The following SYTL3 variants were observed in gnomAD, a reference collection of about 807,000 sequenced individuals.
SYTL3 encodes the protein synaptotagmin like 3, also known as synaptotagmin-like protein 3.
Under a neutral mutation model 82.1 loss-of-function variants are expected in SYTL3, and 88 were observed. That is an observed-to-expected ratio of 1.07 (90% confidence interval 0.90 to 1.28). The LOEUF (loss-of-function observed/expected upper bound fraction) is 1.28. SYTL3 is among the 50% of genes most tolerant of loss of function. SYTL3 has a pLI of 0.00. For synonymous variants in SYTL3, 311 were observed against 289.4 expected (o/e 1.07, Z -0.76); for missense variants, 831 against 757.6 (o/e 1.10, Z -1.14).
intron 9 of SYTL3, among the ~76,000 whole-genome samples, chr6:158,717,753 A>T (rs1783590487): frequency 6.6e-6 from 1 of 152,120 alleles, no homozygotes; most frequent in East Asian, 1.9e-4. Context: ...TCGTGTTTGG[A>T]TGAGTGCACA....
intron 5 of SYTL3, among the ~76,000 whole-genome samples, chr6:158,671,747 A>AGAG (rs1562358059): frequency 6.7e-6 from 1 of 149,082 alleles, no homozygotes; most frequent in Non-Finnish European, 1.5e-5. Context: ...AAAAAAAAAA[A>AGAG]AAGATAATTA....
intron 8 of SYTL3, among the ~76,000 whole-genome samples, chr6:158,712,642 C>T (rs949296299): frequency 2.0e-5 from 3 of 152,126 alleles, no homozygotes; most frequent in Non-Finnish European, 4.4e-5. Flanking sequence ...TTTGATCTTT[C>T]ATCGTTTAGG....
At position 158,701,266 on chromosome 6, in the gene SYTL3, G is replaced by C. The variant is rs1361080713; in HGVS notation, c.395-5964G>C. Among the ~76,000 whole-genome samples, 9 of 5,220 alleles carry C rather than the reference G, an allele frequency of 1.7e-3. 1 individual carries two copies. The highest frequency in any genetic ancestry group is 4.3e-3 in the African/African-American group (3 of 698). The allele number at this position is 5,220 out of a possible 152,430, so 3.4% of individuals were successfully genotyped here. ...TAGATGAAGGAGTGTGAGCTGGGGT[G>C]TAGATGAAGGAGTGTGAGCTGGGGT... On this transcript the variant is annotated intron_variant, in intron 6 of 17. Transcript: ENST00000611299.
intron 9 of SYTL3, among the ~76,000 whole-genome samples, chr6:158,714,786 C>A (rs868401501): frequency 6.6e-6 from 1 of 152,144 alleles, no homozygotes; most frequent in African/African-American, 2.4e-5. Flanking sequence ...TAGTTGCATG[C>A]GGATGGTCTC....
chr6:158,720,933 C>A (rs183399664), intron 10 of SYTL3, among the ~76,000 whole-genome samples: 5 of 152,160 alleles, frequency 3.3e-5, no homozygotes, highest in Admixed American at 3.3e-4. Flanking sequence ...GGGCTTGTGG[C>A]GTTCTGCATG....
intron 16 of SYTL3, 114 bp from the exon 17 acceptor site, chr6:158,763,190 G>C (rs1274762791): frequency 4.2e-6 from 4 of 954,816 alleles, no homozygotes; most frequent in Non-Finnish European, 6.6e-6. Context: ...GGAGGGTGTG[G>C]ATGTTGTGGA....
At position 158,736,742 on chromosome 6, in the gene SYTL3, C is replaced by T. The variant is rs540840123; in HGVS notation, c.856-8738C>T. Among the ~76,000 whole-genome samples, 44 of 147,766 alleles carry T rather than the reference C, an allele frequency of 3.0e-4. 1 individual carries two copies. In the East Asian group the frequency reaches 6.0e-3, roughly 20 times the overall value. On this transcript the variant is annotated intron_variant, in intron 11 of 17. Transcript: ENST00000611299. Reference sequence around the variant, plus strand: ...AGTAGAGGTGGCAGTGAGCTGAGATCGTGCCATTGTACTCCAGCCTGGGCG... The same window carrying T: ...AGTAGAGGTGGCAGTGAGCTGAGATTGTGCCATTGTACTCCAGCCTGGGCG...
chr6:158,667,104 C>CT (rs1434174593), intron 5 of SYTL3, among the ~76,000 whole-genome samples: 7 of 152,202 alleles, frequency 4.6e-5, no homozygotes, highest in African/African-American at 1.7e-4. Context: ...TATTTGAAGT[C>CT]TAATAATAAA....
chr6:158,720,227 C>A (rs1308577134), intron 10 of SYTL3, among the ~76,000 whole-genome samples: 1 of 152,088 alleles, frequency 6.6e-6, no homozygotes, highest in Non-Finnish European at 1.5e-5. Flanking sequence ...CATGGTAAAA[C>A]CCCGTCTCTA....
chr6:158,743,555 A>C, intron 11 of SYTL3, among the ~76,000 whole-genome samples: 4 of 133,824 alleles, frequency 3.0e-5, no homozygotes, highest in Admixed American at 1.6e-4. Context: ...TTCTATCTTC[A>C]CTTCTCATAC....
At chr6:158,698,726 G>A (rs1233463630) in intron 6 of SYTL3, among the ~76,000 whole-genome samples, 4 of 152,166 alleles carry the variant, frequency 2.6e-5, no homozygotes, top group African/African-American at 4.8e-5. Context: ...CACTTATATC[G>A]TGTATTGATT....
At chr6:158,704,373 AG>A (rs1455683325) in intron 6 of SYTL3, among the ~76,000 whole-genome samples, 1 of 152,226 alleles carries the variant, frequency 6.6e-6, no homozygotes, top group African/African-American at 2.4e-5. Context: ...TGCAGCCGGC[AG>A]GGGGCAGCAG....
intron 8 of SYTL3, among the ~76,000 whole-genome samples, chr6:158,710,735 G>T (rs550235679): frequency 6.6e-5 from 10 of 150,496 alleles, no homozygotes; most frequent in African/African-American, 2.4e-4. Context: ...TGAAACACTT[G>T]CTGCACTTGT....
intron 2 of SYTL3, among the ~76,000 whole-genome samples, chr6:158,657,425 CAAAAAAAAA>C (rs535361947): frequency 3.0e-4 from 24 of 80,144 alleles, no homozygotes; most frequent in Admixed American, 4.6e-4. Context: ...GACTCTGGCT[CAAAAAAAAA>C]AAAAAAAAAA....
chr6:158,754,589 G>A (rs960145133), intron 13 of SYTL3, among the ~76,000 whole-genome samples: 1 of 152,158 alleles, frequency 6.6e-6, no homozygotes, highest in Non-Finnish European at 1.5e-5. Context: ...GCACAGTGGC[G>A]GGCACCTGTA....
intron 14 of SYTL3, among the ~76,000 whole-genome samples, chr6:158,757,594 C>G: frequency 7.8e-6 from 1 of 127,884 alleles, no homozygotes; most frequent in South Asian, 2.5e-4. Context: ...TGTTCAGGTA[C>G]CCGAACAGCC....
At chr6:158,645,347 T>C (rs1207792136), upstream of SYTL3, among the ~76,000 whole-genome samples, 1 of 152,170 alleles carries the variant, frequency 6.6e-6, no homozygotes, top group Non-Finnish European at 1.5e-5. Flanking sequence ...CTAGACAGAC[T>C]TTATTTGTAT....
intron 13 of SYTL3, among the ~76,000 whole-genome samples, chr6:158,754,212 A>T (rs1046905373): frequency 1.3e-5 from 2 of 152,168 alleles, no homozygotes; most frequent in African/African-American, 4.8e-5. Flanking sequence ...TTCTGAGCAG[A>T]GTACTTCTTG....
chr6:158,710,819 T>C (rs1423873827), intron 8 of SYTL3, among the ~76,000 whole-genome samples: 1 of 151,790 alleles, frequency 6.6e-6, no homozygotes, highest in Non-Finnish European at 1.5e-5. Flanking sequence ...GTTTCACTCT[T>C]GTCCAGGCTG....
Sources: allele counts gnomAD v4.1 joint callset (sites outside exome capture counted in the v4.1 genomes callset), GRCh38; gene constraint gnomAD v4.1.1; transcripts MANE v1.5; gene names NCBI Gene and HGNC (gene_info 2026-07-23, HGNC 2026-07-21).